RERE: variants seen among roughly 807,000 people sequenced by gnomAD.
RERE encodes arginine-glutamic acid dipeptide repeats.
In RERE, 40 loss-of-function variants were observed where a neutral mutation model predicts 146.1. The ratio of observed to expected loss-of-function variants is 0.27; its 90% CI spans 0.21 to 0.36. The LOEUF (loss-of-function observed/expected upper bound fraction) is 0.36, where lower values mean the gene tolerates loss of function less well. RERE is among the 10% of genes least tolerant of loss of function. The pLI, the probability that RERE is intolerant of heterozygous loss-of-function variation, is 1.00. For synonymous variants in RERE, 1,003 were observed against 866.0 expected (o/e 1.16, Z -2.78); for missense variants, 1,933 against 2,138.7 (o/e 0.90, Z 1.90).
intron 11 of RERE, among the ~76,000 whole-genome samples, chr1:8,458,045 T>C (rs1032760341): frequency 6.6e-6 from 1 of 152,198 alleles, no homozygotes; most frequent in African/African-American, 2.4e-5. Context: ...CAATGTAATA[T>C]GTCTCACCTG....
intron 1 of RERE, among the ~76,000 whole-genome samples, chr1:8,678,682 G>A (rs576163734): frequency 2.0e-5 from 3 of 151,882 alleles, no homozygotes; most frequent in South Asian, 2.1e-4. Context: ...GCGACAGAGC[G>A]AGACTCCATC....
At chr1:8,703,428 G>T (rs1184536228) in intron 1 of RERE, among the ~76,000 whole-genome samples, 1 of 151,772 alleles carries the variant, frequency 6.6e-6, no homozygotes, top group Non-Finnish European at 1.5e-5. Flanking sequence ...GAGAGAAAGA[G>T]CAGACTCCCC....
rs567128472 is a variant in RERE, at chr1:8,584,210, A to C, written c.523-26687T>G. On this transcript the variant is annotated intron_variant, in intron 4 of 22. Transcript: ENST00000400908. ...GAAGTCAGAAAGAAATAAACATTTA[A>C]AAGTCAAAAGAAATAAAAAATATGA... Among the ~76,000 whole-genome samples, 371 of 152,260 alleles carry C rather than the reference A, an allele frequency of 2.4e-3. 1 individual carries two copies. The highest frequency in any genetic ancestry group is 4.6e-3 in the Non-Finnish European group (316 of 68,010).
intron 8 of RERE, among the ~76,000 whole-genome samples, chr1:8,502,715 G>A (rs1292442252): frequency 6.6e-6 from 1 of 150,516 alleles, no homozygotes; most frequent in Non-Finnish European, 1.5e-5. Flanking sequence ...AAGTAGATAT[G>A]GGAGACTTTT....
intron 12 of RERE, among the ~76,000 whole-genome samples, chr1:8,367,488 G>A (rs919192124): frequency 1.1e-4 from 16 of 152,210 alleles, no homozygotes; most frequent in African/African-American, 3.4e-4. Flanking sequence ...ATCTCCTGGA[G>A]CACTGGACGT....
intron 11 of RERE, among the ~76,000 whole-genome samples, chr1:8,456,098 G>A (rs1644450164): frequency 2.0e-5 from 3 of 152,164 alleles, no homozygotes; most frequent in Admixed American, 2.0e-4. Flanking sequence ...AGGGAAGCTG[G>A]CCTCTTCTGT....
chr1:8,632,375 C>T (rs1251882782), intron 2 of RERE, among the ~76,000 whole-genome samples: 15 of 152,186 alleles, frequency 9.9e-5, no homozygotes, highest in Non-Finnish European at 2.9e-5. Flanking sequence ...CTGGGCTTTA[C>T]AATAAATGAT....
intron 1 of RERE, among the ~76,000 whole-genome samples, chr1:8,807,930 TTAA>T (rs1641720421): frequency 6.6e-6 from 1 of 152,162 alleles, no homozygotes; most frequent in South Asian, 2.1e-4. Flanking sequence ...AAAGCCCAAA[TTAA>T]TAATAAAGTA....
chr1:8,545,498 A>G (rs770000936), intron 6 of RERE, among the ~76,000 whole-genome samples: 17 of 152,116 alleles, frequency 1.1e-4, no homozygotes, highest in Non-Finnish European at 2.5e-4. Context: ...AAAATTACCA[A>G]TAACTGGGAA....
In RERE at chr1:8,519,421, A is replaced by G. The variant is rs139054374; in HGVS notation, c.831-10746T>C. Among the ~76,000 whole-genome samples, 898 of 152,290 alleles carry G rather than the reference A, an allele frequency of 5.9e-3. 13 individuals are homozygous for G. The highest frequency in any genetic ancestry group is 0.02 in the African/African-American group (834 of 41,542). On this transcript the variant is annotated intron_variant, in intron 7 of 22. Coordinates refer to ENST00000400908, the MANE Select transcript of RERE (RefSeq NM_001042681.2). ...GCACTCCAGCCTGGGCAACAGAGCA[A>G]GACCCTGTCGCTAATAAAATTTTAA...
At chr1:8,658,569 A>G (rs764803377) in intron 1 of RERE, among the ~76,000 whole-genome samples, 4 of 152,112 alleles carry the variant, frequency 2.6e-5, no homozygotes, top group African/African-American at 7.2e-5. Context: ...CATCCTGGCT[A>G]ACACGGTGAA....
intron 7 of RERE, among the ~76,000 whole-genome samples, chr1:8,521,190 A>AAAG (rs1645494055): frequency 7.4e-6 from 1 of 135,596 alleles, no homozygotes; most frequent in Non-Finnish European, 1.6e-5. Context: ...AAAAAAAAAA[A>AAAG]AAAGAACTCC....
chr1:8,785,141 T>C (rs1012032353), intron 1 of RERE, among the ~76,000 whole-genome samples: 7 of 152,176 alleles, frequency 4.6e-5, no homozygotes, highest in African/African-American at 1.7e-4. Flanking sequence ...AATACAACAC[T>C]GTTTTAAAGA....
rs2124350392 is a variant in RERE at position 8,354,420 on chromosome 1, C to A, written c.*667G>T. On this transcript the variant is annotated 3_prime_UTR_variant, in exon 23 of 23. Transcript: ENST00000400908. The stretch of plus-strand genomic sequence containing the variant: ...TAATTAAAGGGATAATTATATATAA[C>A]TTTTTATTAAAAAATCAACTCTGTA... 1 of 152,502 alleles carries A rather than the reference C, an allele frequency of 6.6e-6. No individual in the cohort carries two copies. Among genetic ancestry groups the A allele is most frequent in the South Asian group, 2.1e-4 (1 of 4,832 alleles). The allele number at this position is 152,502 out of a possible 1,614,324, so 9.4% of individuals were successfully genotyped here.
chr1:8,443,449 C>T (rs751567264), intron 11 of RERE, among the ~76,000 whole-genome samples: 23 of 91,856 alleles, frequency 2.5e-4, no homozygotes, highest in Non-Finnish European at 4.0e-4. Context: ...GAGACTCAGT[C>T]TCAAAAAAAG....
At chr1:8,609,995 C>T (rs1646772667) in intron 4 of RERE, among the ~76,000 whole-genome samples, 1 of 152,096 alleles carries the variant, frequency 6.6e-6, no homozygotes, top group Non-Finnish European at 1.5e-5. Context: ...TCTTGAACTC[C>T]TGAGCTCAAG....
At chr1:8,629,402 C>A (rs1647009745) in intron 2 of RERE, among the ~76,000 whole-genome samples, 1 of 152,136 alleles carries the variant, frequency 6.6e-6, no homozygotes, top group South Asian at 2.1e-4. Context: ...AGCTTCATGT[C>A]CAAAGATCTA....
chr1:8,712,327 C>T (rs988525006), intron 1 of RERE, among the ~76,000 whole-genome samples: 2 of 152,202 alleles, frequency 1.3e-5, no homozygotes, highest in Non-Finnish European at 2.9e-5. Context: ...GAAACAACAA[C>T]TGAGTGAGTA....
At position 8,751,672 on chromosome 1, in the gene RERE, G is replaced by T. The variant is rs114167340; in HGVS notation, c.-145+65488C>A. 1.6e-3 allele frequency among the ~76,000 whole-genome samples: 243 copies of T among 151,912 alleles called. 1 individual carries two copies. The highest frequency in any genetic ancestry group is 6.8e-3 in the Middle Eastern group (2 of 294). On this transcript the variant is annotated intron_variant, in intron 1 of 22. Coordinates refer to ENST00000400908, the MANE Select transcript of RERE (RefSeq NM_001042681.2). ...TATAGCAACTCGGAGGCTAAACAGA[G>T]ACCCAGTGTTAACTTCATACAGACG...
Sources: gnomAD v4.1 joint callset for allele counts (sites outside exome capture counted in the v4.1 genomes callset) on GRCh38, gnomAD v4.1.1 for gene constraint, MANE v1.5 for transcripts, NCBI Gene and HGNC (gene_info 2026-07-23, HGNC 2026-07-21) for gene names.